Variants in SYNE2 observed in about 807,000 individuals in gnomAD.
The protein encoded by SYNE2 is spectrin repeat containing nuclear envelope protein 2, also known as nesprin-2.
A neutral mutation model predicts 856.3 loss-of-function variants in SYNE2; 431 were observed. The observed-to-expected ratio is 0.50, with a 90% CI of 0.47 to 0.55. The LOEUF is 0.55. Among genes scored for constraint, SYNE2 ranks in the 20% least tolerant of loss-of-function variants. SYNE2 has a pLI of 0.00. For synonymous variants in SYNE2, 2,923 were observed against 2,872.3 expected (o/e 1.02, Z -0.56); for missense variants, 8,129 against 8,023.2 (o/e 1.01, Z -0.50).
intron 45 of SYNE2, among the ~76,000 whole-genome samples, chr14:64,034,820 A>C (rs2097073460): frequency 6.6e-6 from 1 of 152,096 alleles, no homozygotes; most frequent in Admixed American, 6.6e-5. Flanking sequence ...GTGAAGCAGC[A>C]GATTAGGATA....
At chr14:64,224,181 C>CA (rs35804232) in intron 113 of SYNE2, among the ~76,000 whole-genome samples, 25,948 of 74,502 alleles carry the variant, frequency 0.35, 4,284 homozygotes, top group Middle Eastern at 0.52. Flanking sequence ...CCCGTCTCTG[C>CA]AAAAAAAAAA....
intron 66 of SYNE2, among the ~76,000 whole-genome samples, chr14:64,114,774 C>T (rs1239901598): frequency 6.6e-6 from 1 of 152,130 alleles, no homozygotes; most frequent in African/African-American, 2.4e-5. Flanking sequence ...TGCACCACCA[C>T]ACCCGGCTAC....
chr14:64,130,491 A>G (rs919018894), intron 76 of SYNE2, among the ~76,000 whole-genome samples: 5 of 150,798 alleles, frequency 3.3e-5, no homozygotes, highest in African/African-American at 1.2e-4. Context: ...GATTGAGAAG[A>G]TAGATATTTA....
At chr14:63,941,818 C>T in intron 4 of SYNE2, 28 bp downstream of exon 4, 2 of 1,612,350 alleles carry the variant, frequency 1.2e-6, no homozygotes, top group Non-Finnish European at 1.7e-6. Flanking sequence ...CACTGAGAAA[C>T]TTTCTGTTGA....
In SYNE2 at chr14:64,163,416, T is replaced by A. The variant is rs200460695; in HGVS notation, c.16314T>A (p.Asp5438Glu). 2.5e-6 allele frequency: 4 copies of A among 1,614,022 alleles called. No homozygotes were observed. The highest frequency in any genetic ancestry group is 3.4e-6 in the Non-Finnish European group (4 of 1,180,034). Residue 5438 changes from aspartate to glutamate, a missense_variant, in exon 89 of 116, where the codon GAT (aspartate) becomes GAA (glutamate). Around this residue, in one of 3 missense-constraint regions of SYNE2, gnomAD observed 5,410 missense variants for 5,284.8 expected, o/e 1.02. Coordinates refer to ENST00000555002, the MANE Select transcript of SYNE2 (RefSeq NM_182914.3). Reference protein sequence around the residue: ...ALQDIKELQHDVQKTKEAFLQ... With the variant: ...ALQDIKELQHEVQKTKEAFLQ... ...TTCTTCTGCAGGAGCTGCAGCATGA[T>A]GTGCAGAAAACAAAAGAAGCCTTTC...
At chr14:64,014,124 ATG>A (rs2096869478) in intron 32 of SYNE2, among the ~76,000 whole-genome samples, 1 of 152,106 alleles carries the variant, frequency 6.6e-6, no homozygotes, top group East Asian at 1.9e-4. Context: ...ATTATATAGT[ATG>A]TAACTTTTTG....
At chr14:64,080,360 T>A in intron 55 of SYNE2, 96 bp from the exon 56 acceptor site, 1 of 1,206,726 alleles carries the variant, frequency 8.3e-7, no homozygotes, top group South Asian at 1.2e-5. Context: ...GATGTTTTAG[T>A]AGCATTTATA....
intron 1 of SYNE2, among the ~76,000 whole-genome samples, chr14:63,828,151 C>T (rs1447319340): frequency 6.6e-6 from 1 of 150,802 alleles, no homozygotes; most frequent in Non-Finnish European, 1.5e-5. Flanking sequence ...GAGCCATGAT[C>T]ATGCCACTGC....
chr14:64,102,235 G>A (rs1230180711), intron 64 of SYNE2, among the ~76,000 whole-genome samples, 193 bp downstream of exon 64: 2 of 152,164 alleles, frequency 1.3e-5, no homozygotes, highest in African/African-American at 2.4e-5. Context: ...TCCTGCTTCA[G>A]CCTCCCAAGT....
intron 96 of SYNE2, among the ~76,000 whole-genome samples, chr14:64,180,597 G>A (rs1401742898): frequency 1.3e-5 from 2 of 151,240 alleles, no homozygotes; most frequent in African/African-American, 2.4e-5. Context: ...CTCTGCCTCC[G>A]GGTTCAAGGG....
chr14:64,047,876 A>G lies in SYNE2; in HGVS notation c.7222-124A>G, dbSNP rs999464725. On this transcript the variant is annotated intron_variant, in intron 45 of 115. Transcript: ENST00000555002. ...GAAAAATCATCTTTCGTAGTGCCCA[A>G]ATATACTTTTTAAGTCTATAATCCA... 54 of 1,063,894 alleles carry G rather than the reference A, an allele frequency of 5.1e-5. No homozygotes were observed. The South Asian group carries it at 7.7e-4, about 15-fold the overall frequency. 65.9% of individuals were successfully genotyped at this position (1,063,894 alleles called of 1,614,324 possible).
In SYNE2 at chr14:64,070,907, A is replaced by G; in HGVS notation, c.10694A>G (p.Asn3565Ser). Residue 3565 changes from asparagine to serine, a missense_variant, in exon 52 of 116, where the codon AAC becomes AGC. Asn to Ser is a conservative substitution (Grantham distance 46). This residue lies in a region of SYNE2 where 5,410 missense variants were observed against 5,284.8 expected (regional missense o/e 1.02). Coordinates refer to ENST00000555002, the MANE Select transcript of SYNE2 (RefSeq NM_182914.3). ...QEITSMKERC[N>S]KLLQKVQKNK... Reference sequence around the variant, plus strand: ...ATTACTTCTATGAAAGAACGATGCAACAAGTAAGATTTATGAAAAACTATT... The same window carrying G: ...ATTACTTCTATGAAAGAACGATGCAGCAAGTAAGATTTATGAAAAACTATT... 2 of 1,614,178 alleles carry G rather than the reference A, an allele frequency of 1.2e-6. No individual in the cohort carries two copies. The highest frequency in any genetic ancestry group is 1.7e-6 in the Non-Finnish European group (2 of 1,179,986).
intron 65 of SYNE2, among the ~76,000 whole-genome samples, chr14:64,112,013 A>T (rs1011550307): frequency 2.3e-4 from 35 of 152,310 alleles, no homozygotes; most frequent in Middle Eastern, 6.8e-3. Flanking sequence ...TGTGAAGATA[A>T]TAGATGGTGA....
intron 1 of SYNE2, among the ~76,000 whole-genome samples, chr14:63,829,091 G>A (rs1889569792): frequency 6.6e-6 from 1 of 151,994 alleles, no homozygotes. Flanking sequence ...ATTGCTGATG[G>A]ACATGTAAAA....
At chr14:64,200,943 A>C (rs150834250) in intron 99 of SYNE2, among the ~76,000 whole-genome samples, 2 of 152,342 alleles carry the variant, frequency 1.3e-5, no homozygotes, top group African/African-American at 4.8e-5. Flanking sequence ...TTGAGAATAA[A>C]ACACTGATGA....
Position 64,190,221 on chromosome 14 carries a change from G to T in SYNE2, c.18022G>T (p.Asp6008Tyr), listed in dbSNP as rs1442229211. The T allele has an allele frequency of 3.7e-6, 6 of 1,614,048 alleles. 1 individual carries two copies. In the Admixed American group the frequency reaches 1.0e-4, roughly 27 times the overall value. ...KINDRWQHLF[D>Y]VIGSRVKKLK... ...TAACGATCGTTGGCAACATCTTTTT[G>T]ATGTCATCGGATCAAGGTAAGAAAT... Residue 6008 changes from aspartate (D) to tyrosine (Y), a missense_variant, in exon 99 of 116, where the codon GAT becomes TAT. Physicochemically the swap from Asp to Tyr is radical, Grantham distance 160 (BLOSUM62 -3). This residue lies in a region of SYNE2 where 5,410 missense variants were observed against 5,284.8 expected (regional missense o/e 1.02). Coordinates refer to ENST00000555002, the MANE Select transcript of SYNE2 (RefSeq NM_182914.3).
upstream of SYNE2, among the ~76,000 whole-genome samples, chr14:63,851,835 C>A (rs1890485900): frequency 6.6e-6 from 1 of 151,746 alleles, no homozygotes; most frequent in Non-Finnish European, 1.5e-5. Context: ...GTAATCCTAG[C>A]ACTTTGGGAG....
chr14:63,804,796 C>T (rs528884265), intron 1 of SYNE2, among the ~76,000 whole-genome samples: 4 of 152,192 alleles, frequency 2.6e-5, no homozygotes, highest in South Asian at 4.2e-4. Context: ...GCCCAGCCTT[C>T]CTAGGTTTTC....
rs768280052 is a variant in SYNE2 at position 64,003,314 on chromosome 14, C to G, written c.4381C>G (p.Pro1461Ala). 2 of 1,614,054 alleles carry G rather than the reference C, an allele frequency of 1.2e-6. No homozygotes were observed. The highest frequency in any genetic ancestry group is 8.5e-7 in the Non-Finnish European group (1 of 1,180,012). ...AATTGGTCTTAAGGATCCTACTGTT[C>G]CAGCTGTGAAACATCGGTAAGTATT... ...SKIGLKDPTV[P>A]AVKHRKKSLI... is the part of the protein sequence containing the mutation. Residue 1461 changes from proline to alanine, a missense_variant, in exon 30 of 116, where the codon CCA becomes GCA. Around this residue, in one of 3 missense-constraint regions of SYNE2, gnomAD observed 2,422 missense variants for 2,357.4 expected, o/e 1.03. Transcript: ENST00000555002.
Sources: gnomAD v4.1 joint callset for allele counts (sites outside exome capture counted in the v4.1 genomes callset) on GRCh38, gnomAD v4.1.1 for gene constraint, gnomAD v4.1.1 regional missense constraint, MANE v1.5 for transcripts, NCBI Gene and HGNC (gene_info 2026-07-23, HGNC 2026-07-21) for gene names.